The following MPP1 variants were observed in gnomAD, a reference collection of about 807,000 sequenced individuals.
The protein encoded by MPP1 is 55 kDa erythrocyte membrane protein.
In MPP1, 6 loss-of-function variants were observed where a neutral mutation model predicts 38.2. The observed-to-expected ratio is 0.16, with a 90% confidence interval of 0.09 to 0.31. MPP1 has a LOEUF of 0.31. Ranked by LOEUF, MPP1 falls within the 10% of genes least tolerant of loss-of-function variation. MPP1 has a pLI of 1.00. For missense variants in MPP1, 293 were observed against 368.9 expected (o/e 0.79, Z 1.69); for synonymous variants, 153 against 146.3 (o/e 1.05, Z -0.33).
chrX:154,797,702 GC>G (rs1227687205), intron 1 of MPP1, among the ~76,000 whole-genome samples: 1 of 112,173 alleles, frequency 8.9e-6, no homozygotes, highest in Non-Finnish European at 1.9e-5. Context: ...AGGATCTAGA[GC>G]TAGGCAAAAA....
At position 154,805,390 on chromosome X, in the gene MPP1, C is replaced by T; in HGVS notation, c.-17G>A. 1 of 1,175,566 alleles carries T rather than the reference C, an allele frequency of 8.5e-7. No homozygotes were observed. On this transcript the variant is annotated 5_prime_UTR_variant, in exon 1 of 12. Transcript: ENST00000369534. ...GAGGGTCATCTCGCAGAAGCTGGAA[C>T]ACTGGAACGCAAGACAGGGCAGCGC...
chrX:154,793,725 C>T (rs1309978518), intron 1 of MPP1, among the ~76,000 whole-genome samples: 2 of 111,825 alleles, frequency 1.8e-5, no homozygotes, highest in African/African-American at 3.2e-5. Context: ...TTCTCCTTTA[C>T]CCATAGATGT....
At chrX:154,799,661 C>T (rs1227015235) in intron 1 of MPP1, 65 of 1,048,752 alleles carry the variant, frequency 6.2e-5, no homozygotes, top group Non-Finnish European at 8.2e-5. Flanking sequence ...AGGCCTGCCC[C>T]TGACCAGTGA....
At chrX:154,785,346 T>C (rs1557267113) in intron 6 of MPP1, among the ~76,000 whole-genome samples, 189 bp from the exon 7 acceptor site, 1 of 110,195 alleles carries the variant, frequency 9.1e-6, no homozygotes, top group African/African-American at 3.3e-5. Flanking sequence ...GTCAGGGACC[T>C]GGCTCCTTGA....
chrX:154,800,787 T>C (rs782493083), intron 1 of MPP1, among the ~76,000 whole-genome samples: 1 of 112,235 alleles, frequency 8.9e-6, no homozygotes, highest in South Asian at 3.7e-4. Context: ...AGAATGCAGG[T>C]GCTGTGTCCC....
chrX:154,799,858 A>G (rs2148540336), intron 1 of MPP1: 9 of 1,138,306 alleles, frequency 7.9e-6, no homozygotes, highest in Non-Finnish European at 1.1e-5. Flanking sequence ...CATCTGCAGC[A>G]GGGTTCAAAG....
At chrX:154,782,325 C>A (rs2072017771) in intron 9 of MPP1, 1 of 112,574 alleles carries the variant, frequency 8.9e-6, no homozygotes, top group Non-Finnish European at 1.9e-5. Context: ...AAACACAATC[C>A]TCCCAACCTC....
At chrX:154,802,038 G>A (rs1443185443) in intron 1 of MPP1, among the ~76,000 whole-genome samples, 1 of 111,943 alleles carries the variant, frequency 8.9e-6, no homozygotes, top group Non-Finnish European at 1.9e-5. Flanking sequence ...GTCAGAAGCA[G>A]AGTCAGTGAT....
At position 154,778,956 on chromosome X, in the gene MPP1, C is replaced by T; in HGVS notation, c.*221G>A. The T allele has an allele frequency of 2.7e-6, 1 of 374,671 alleles. No homozygotes were observed. Among genetic ancestry groups the T allele is most frequent in the Non-Finnish European group, 4.6e-6 (1 of 218,618 alleles). 30.9% of individuals were successfully genotyped at this position (374,671 alleles called of 1,213,427 possible). ...CTTCTTACCCCCAATTTCTAGAAATCCTTTTCAAATCCAGATCAGTGGGGC... is the reference window on the plus strand; with the variant it reads ...CTTCTTACCCCCAATTTCTAGAAATTCTTTTCAAATCCAGATCAGTGGGGC... On this transcript the variant is annotated 3_prime_UTR_variant, in exon 12 of 12. Transcript: ENST00000369534.
At chrX:154,799,079 A>G (rs2072233294) in intron 1 of MPP1, among the ~76,000 whole-genome samples, 1 of 111,804 alleles carries the variant, frequency 8.9e-6, no homozygotes, top group Non-Finnish European at 1.9e-5. Flanking sequence ...ATTGCTTTTT[A>G]CATGTCAGCC....
rs2072073059 is a variant in MPP1 at position 154,786,328 on chromosome X, T to G, written c.553A>C (p.Lys185Gln). 4.1e-6 allele frequency: 5 copies of G among 1,209,843 alleles called. No individual in the cohort carries two copies. The highest frequency in any genetic ancestry group is 5.6e-6 in the Non-Finnish European group (5 of 895,162). ...TGGATAATGTCCCCAGTAGCAAACT[T>G]CAGTCCCGCCTCCTTGCAAGGGATC... Reference protein sequence around the residue: ...NLIPCKEAGLKFATGDIIQII... With the variant: ...NLIPCKEAGLQFATGDIIQII... Residue 185 changes from lysine to glutamine, a missense_variant, in exon 6 of 12, where the codon AAG (lysine) becomes CAG (glutamine). Coordinates refer to ENST00000369534, the MANE Select transcript of MPP1 (RefSeq NM_002436.4).
rs782458500 is a variant in MPP1 at position 154,779,214 on chromosome X, C to G, written c.1364G>C (p.Ser455Thr). The G allele has an allele frequency of 2.5e-6, 3 of 1,211,798 alleles. No homozygotes were observed. The East Asian group carries it at 8.9e-5, about 36-fold the overall frequency. Reference sequence around the variant, plus strand: ...GGAGACAGGCACCCACTGTGGAGAACTGCACGCTTGGTCGAAGGCTTCTTG... The same window carrying G: ...GGAGACAGGCACCCACTGTGGAGAAGTGCACGCTTGGTCGAAGGCTTCTTG... ...KLQEAFDQAC[S>T]SPQWVPVSWV... Residue 455 changes from serine to threonine, a missense_variant, in exon 12 of 12, where the codon AGT becomes ACT. Coordinates refer to ENST00000369534, the MANE Select transcript of MPP1 (RefSeq NM_002436.4).
intron 1 of MPP1, among the ~76,000 whole-genome samples, chrX:154,801,175 C>T (rs1256186889): frequency 1.8e-5 from 2 of 112,301 alleles, no homozygotes; most frequent in Non-Finnish European, 3.8e-5. Context: ...GACACTGTCT[C>T]AGGACATTAT....
At chrX:154,781,369 G>C in intron 10 of MPP1, 56 bp from the exon 11 acceptor site, 1 of 725,998 alleles carries the variant, frequency 1.4e-6, no homozygotes, top group Non-Finnish European at 1.9e-6. Flanking sequence ...AAAGGAAAGT[G>C]AAAAAAAAAA....
chrX:154,802,477 A>G (rs1434131246), intron 1 of MPP1, among the ~76,000 whole-genome samples: 1 of 111,465 alleles, frequency 9.0e-6, no homozygotes, highest in East Asian at 2.8e-4. Flanking sequence ...GATGTGGGAT[A>G]GGCCCAAGAG....
chrX:154,798,647 AAGCGACAGCAGG>A (rs2072225002), intron 1 of MPP1, among the ~76,000 whole-genome samples: 1 of 112,268 alleles, frequency 8.9e-6, no homozygotes, highest in Non-Finnish European at 1.9e-5. Context: ...TGTGACTATA[AAGCGACAGCAGG>A]AGAGAGGCCT....
intron 1 of MPP1, among the ~76,000 whole-genome samples, chrX:154,803,677 T>C (rs181075329): frequency 3.6e-4 from 41 of 112,615 alleles, no homozygotes; most frequent in Admixed American, 1.7e-3. Context: ...GGTGACTGAC[T>C]GCCAAGGGTC....
At chrX:154,804,574 C>T in intron 1 of MPP1, 1 of 291,443 alleles carries the variant, frequency 3.4e-6, no homozygotes, top group Non-Finnish European at 6.8e-6. Context: ...ACCTGACAGA[C>T]CCTGAGTGAC....
chrX:154,784,922 T>C, intron 7 of MPP1, 129 bp downstream of exon 7: 2 of 589,262 alleles, frequency 3.4e-6, no homozygotes, highest in Non-Finnish European at 2.9e-6. Context: ...CCAGAAGAAA[T>C]GACATGCTTT....
Sources: gnomAD v4.1 joint callset for allele counts (sites outside exome capture counted in the v4.1 genomes callset) on GRCh38, gnomAD v4.1.1 for gene constraint, MANE v1.5 for transcripts, NCBI Gene and HGNC (gene_info 2026-07-23, HGNC 2026-07-21) for gene names.